Variants in RGMA observed in about 807,000 individuals in gnomAD.
The protein encoded by RGMA is repulsive guidance molecule A.
A neutral mutation model predicts 23.2 loss-of-function variants in RGMA; 10 were observed. The ratio of observed to expected loss-of-function variants is 0.43; its 90% CI spans 0.27 to 0.73. The LOEUF (loss-of-function observed/expected upper bound fraction) is 0.73. Among genes scored for constraint, RGMA ranks in the 30% least tolerant of loss-of-function variants. The probability of loss-of-function intolerance (pLI) is 0.20; values close to 1 mark genes in which losing one functional copy is unlikely to be tolerated. For synonymous variants in RGMA, 308 were observed against 279.3 expected (o/e 1.10, Z -1.03); for missense variants, 547 against 630.5 (o/e 0.87, Z 1.42).
chr15:93,088,906 G>C lies in RGMA; in HGVS notation c.14+13C>G, dbSNP rs1317281357. The C allele has an allele frequency of 1.4e-6, 2 of 1,477,686 alleles. No homozygotes were observed. The highest frequency in any genetic ancestry group is 5.9e-5 in the East Asian group (2 of 34,166). 91.5% of individuals were successfully genotyped at this position (1,477,686 alleles called of 1,614,324 possible). ...TCAGAGCCGGGTCTGCCCGGCTCCC[G>C]ACCCGCGCTTACCTTGGCGGCTGCA... is the stretch of plus-strand genomic sequence containing the variant. On this transcript the variant is annotated intron_variant, in intron 1 of 3. Transcript: ENST00000329082.
chr15:93,045,685 G>A lies in RGMA; in HGVS notation c.666C>T (p.Asn222=), dbSNP rs746532810. The change falls in exon 4 of 4, where the codon AAC becomes AAT. Residue 222 remains asparagine (N), a synonymous_variant. Coordinates refer to ENST00000329082, the MANE Select transcript of RGMA (RefSeq NM_020211.3). The surrounding 1 kb of genome is among the most constrained non-coding windows in gnomAD (Gnocchi z 6.9). The stretch of plus-strand genomic sequence containing the variant: ...CCTTCTGGTCCACACACTCCTGGAA[G>A]TTCTTGAAGATGATGGTGAGCTGCC... ...ATSKLTIIFK[N]FQECVDQKVY... 1.1e-5 allele frequency: 18 copies of A among 1,604,512 alleles called. No individual in the cohort carries two copies. The highest frequency in any genetic ancestry group is 1.5e-5 in the Non-Finnish European group (18 of 1,179,646).
chr15:93,088,787 A>G, intron 1 of RGMA, 132 bp downstream of exon 1: 1 of 900,516 alleles, frequency 1.1e-6, no homozygotes, highest in Non-Finnish European at 1.6e-6. Flanking sequence ...AAAGCTCCAA[A>G]TGTGGGCAAG....
chr15:93,050,082 CAGTT>C (rs2141804728), intron 3 of RGMA, among the ~76,000 whole-genome samples: 1 of 152,318 alleles, frequency 6.6e-6, no homozygotes, highest in Non-Finnish European at 1.5e-5. Context: ...ATGGGCTCCC[CAGTT>C]CTCTGGACAG....
At chr15:93,071,193 A>G (rs1895311039) in intron 2 of RGMA, among the ~76,000 whole-genome samples, 1 of 152,334 alleles carries the variant, frequency 6.6e-6, no homozygotes, top group Non-Finnish European at 1.5e-5. Flanking sequence ...AATGGGCTTG[A>G]TCTTTATCTA....
At chr15:93,062,570 G>A (rs182750879) in intron 2 of RGMA, among the ~76,000 whole-genome samples, 2 of 152,316 alleles carry the variant, frequency 1.3e-5, no homozygotes, top group Admixed American at 6.5e-5. Flanking sequence ...CCATTAGGAA[G>A]CAAATGTCGC....
rs751973310 is a variant in RGMA, at chr15:93,045,046, G to A, written c.1305C>T (p.Leu435=). ...AAGLPLAPRP[L]LGALVPLLAL... ...CCAGGAGCGGGACGAGGGCGCCCAG[G>A]AGGGGCCGGGGGGCCAGGGGCAGCC... Residue 435 remains leucine (L), a synonymous_variant, in exon 4 of 4, where the codon CTC becomes CTT. Coordinates refer to ENST00000329082, the MANE Select transcript of RGMA (RefSeq NM_020211.3). The surrounding 1 kb of genome is among the most constrained non-coding windows in gnomAD (Gnocchi z 6.9). 1.9e-6 allele frequency: 3 copies of A among 1,581,674 alleles called. No homozygotes were observed. The highest frequency in any genetic ancestry group is 2.6e-6 in the Non-Finnish European group (3 of 1,163,872).
chr15:93,057,427 T>C (rs971558683), intron 2 of RGMA, among the ~76,000 whole-genome samples: 5 of 152,054 alleles, frequency 3.3e-5, no homozygotes, highest in African/African-American at 1.2e-4. Flanking sequence ...CTGCCCCCTC[T>C]CCCTCCTTCT....
Position 93,043,270 on chromosome 15 carries a change from A to ACGCACACACACAGGCG in RGMA, c.*1727_*1728insCGCCTGTGTGTGTGCG, listed in dbSNP as rs2054751769. 7.3e-6 allele frequency: 1 copy of ACGCACACACACAGGCG among 136,526 alleles called. No homozygotes were observed. Among genetic ancestry groups the ACGCACACACACAGGCG allele is most frequent in the African/African-American group, 2.5e-5 (1 of 40,220 alleles). 8.5% of individuals were successfully genotyped at this position (136,526 alleles called of 1,614,324 possible). A position where few individuals can be genotyped will look rare whatever the true frequency, so the allele number is the denominator to read the frequency against. On this transcript the variant is annotated 3_prime_UTR_variant, in exon 4 of 4. Coordinates refer to ENST00000329082, the MANE Select transcript of RGMA (RefSeq NM_020211.3). ...CACACAGGCACGCACACACACAGGCATGCATACACACATGCGCGCACACAC... is the reference window on the plus strand; with the variant it reads ...CACACAGGCACGCACACACACAGGCACGCACACACACAGGCGTGCATACACACATGCGCGCACACAC...
chr15:93,055,309 G>A (rs1430699118), intron 2 of RGMA, among the ~76,000 whole-genome samples: 1 of 152,154 alleles, frequency 6.6e-6, no homozygotes, highest in Non-Finnish European at 1.5e-5. Context: ...GCTGTGCTGG[G>A]CTCTGACTCT....
intron 3 of RGMA, among the ~76,000 whole-genome samples, chr15:93,046,281 G>A (rs527332330): frequency 2.6e-5 from 4 of 152,276 alleles, no homozygotes; most frequent in Admixed American, 2.6e-4. Flanking sequence ...GCTCAACAAG[G>A]CAGAGATTCG....
Position 93,061,567 on chromosome 15 carries a change from G to T in RGMA, c.131-9060C>A, listed in dbSNP as rs532134429. ...GGTGACATTTCACTCTTTTGGGGAG[G>T]GGGGCTCCAGACTGCCTTCCTCATG... On this transcript the variant is annotated intron_variant, in intron 2 of 3. Transcript: ENST00000329082. Among the ~76,000 whole-genome samples, 3 of 152,224 alleles carry T rather than the reference G, an allele frequency of 2.0e-5. No homozygotes were observed. The South Asian group carries it at 6.2e-4, about 32-fold the overall frequency.
Position 93,044,887 on chromosome 15 carries a change from C to CCACCA in RGMA, c.*110_*111insTGGTG. On this transcript the variant is annotated 3_prime_UTR_variant, in exon 4 of 4. Coordinates refer to ENST00000329082, the MANE Select transcript of RGMA (RefSeq NM_020211.3). Reference sequence around the variant, plus strand: ...TTGGCAGCAGGCGGTCCCTGGCGTTCTGCGGGGCCATGGTGGACACGCCAG... The same window carrying CCACCA: ...TTGGCAGCAGGCGGTCCCTGGCGTTCCACCATGCGGGGCCATGGTGGACACGCCAG... 1 of 907,358 alleles carries CCACCA rather than the reference C, an allele frequency of 1.1e-6. No homozygotes were observed. Among genetic ancestry groups the CCACCA allele is most frequent in the Non-Finnish European group, 1.7e-6 (1 of 603,818 alleles). The allele number at this position is 907,358 out of a possible 1,614,324, so 56.2% of individuals were successfully genotyped here. A position where few individuals can be genotyped will look rare whatever the true frequency, so the allele number is the denominator to read the frequency against.
chr15:93,075,764 G>C (rs1044663753), intron 1 of RGMA, among the ~76,000 whole-genome samples: 1 of 152,198 alleles, frequency 6.6e-6, no homozygotes, highest in Non-Finnish European at 1.5e-5. Flanking sequence ...CTTTTTAGGA[G>C]GAGACCCCAG....
intron 2 of RGMA, among the ~76,000 whole-genome samples, chr15:93,062,370 TG>T (rs756645118): frequency 9.9e-5 from 15 of 152,056 alleles, no homozygotes; most frequent in Non-Finnish European, 1.8e-4. Context: ...GGTTTAAGAA[TG>T]GAAGTACGAG....
rs1038430923 is a variant in RGMA, at chr15:93,073,421, G to A, written c.15-390C>T. The stretch of plus-strand genomic sequence containing the variant: ...CTCCCCGACCCTCGCGCCATCTCCA[G>A]CCCGCGGCTGTCCTTGCAAACCAGG... On this transcript the variant is annotated intron_variant, in intron 1 of 3. Transcript: ENST00000329082. 2.5e-5 allele frequency: 19 copies of A among 767,884 alleles called. No homozygotes were observed. The Admixed American group carries it at 4.6e-4, about 18-fold the overall frequency. The allele number at this position is 767,884 out of a possible 1,614,324, so 47.6% of individuals were successfully genotyped here.
At chr15:93,069,306 C>T (rs1297532937) in intron 2 of RGMA, among the ~76,000 whole-genome samples, 4 of 152,156 alleles carry the variant, frequency 2.6e-5, no homozygotes, top group South Asian at 4.1e-4. Flanking sequence ...AACGGGGTTT[C>T]GCTATGTTGG....
intron 1 of RGMA, 68 bp downstream of exon 1, chr15:93,088,851 C>A: frequency 7.1e-7 from 1 of 1,399,566 alleles, no homozygotes; most frequent in Non-Finnish European, 9.6e-7. Flanking sequence ...CGCCGTGGCC[C>A]CGGCATGTGT....
chr15:93,053,621 C>A (rs937964309), intron 2 of RGMA, among the ~76,000 whole-genome samples: 1 of 152,198 alleles, frequency 6.6e-6, no homozygotes, highest in South Asian at 2.1e-4. Flanking sequence ...CATTTGAGGG[C>A]AGGCTAACGC....
intron 1 of RGMA, among the ~76,000 whole-genome samples, chr15:93,080,231 C>T (rs143330159): frequency 2.0e-5 from 3 of 152,150 alleles, no homozygotes; most frequent in Non-Finnish European, 4.4e-5. Flanking sequence ...CAAAGTCTTG[C>T]TCTGTCGCCC....
Sources: gnomAD v4.1 joint callset for allele counts (sites outside exome capture counted in the v4.1 genomes callset) on GRCh38, gnomAD v4.1.1 for gene constraint, Gnocchi (gnomAD v3.1) non-coding constraint, MANE v1.5 for transcripts, NCBI Gene and HGNC (gene_info 2026-07-23, HGNC 2026-07-21) for gene names.